The following TNRC18 variants were observed in gnomAD, a reference collection of about 807,000 sequenced individuals.
TNRC18 encodes trinucleotide repeat containing 18.
In TNRC18, 69 loss-of-function variants were observed where a neutral mutation model predicts 226.7. The ratio of observed to expected loss-of-function variants is 0.30; its 90% CI spans 0.25 to 0.37. The LOEUF is 0.37. TNRC18 is among the 10% of genes least tolerant of loss of function. The pLI, the probability that TNRC18 is intolerant of heterozygous loss-of-function variation, is 1.00. For missense variants in TNRC18, 4,754 were observed against 4,256.6 expected, an observed-to-expected ratio of 1.12 and a Z score of -3.25; for synonymous variants, 2,449 against 1,927.6, an observed-to-expected ratio of 1.27 and a Z score of -7.09.
At chr7:5,416,658 C>G (rs1419856019) in intron 2 of TNRC18, among the ~76,000 whole-genome samples, 1 of 150,318 alleles carries the variant, frequency 6.7e-6, no homozygotes, top group Non-Finnish European at 1.5e-5. Context: ...GAGTTTAAGA[C>G]CAGCCTGGCC....
intron 21 of TNRC18, among the ~76,000 whole-genome samples, chr7:5,322,255 G>C (rs1016794634): frequency 6.7e-6 from 1 of 150,162 alleles, no homozygotes; most frequent in African/African-American, 2.4e-5. Context: ...TCCAGCCCGG[G>C]TGACAGAGAG....
chr7:5,377,330 C>CA lies in TNRC18; in HGVS notation c.2461+40_2461+41insT. The CA allele has an allele frequency of 4.8e-6, 6 of 1,248,964 alleles. No homozygotes were observed. Among genetic ancestry groups the CA allele is most frequent in the East Asian group, 2.6e-5 (1 of 39,118 alleles). The allele number at this position is 1,248,964 out of a possible 1,614,324, so 77.4% of individuals were successfully genotyped here. A position where few individuals can be genotyped will look rare whatever the true frequency, so the allele number is the denominator to read the frequency against. On this transcript the variant is annotated intron_variant, in intron 7 of 29. Coordinates refer to ENST00000430969, the MANE Select transcript of TNRC18 (RefSeq NM_001080495.3). The surrounding 1 kb of genome is among the most constrained non-coding windows in gnomAD (Gnocchi z 5.8). Reference sequence around the variant, plus strand: ...GTCCTGCACCCGCCCCCTCCCACCCCTCCCTCAGAGAAGGGGAGAGACCCT... The same window carrying CA: ...GTCCTGCACCCGCCCCCTCCCACCCCATCCCTCAGAGAAGGGGAGAGACCCT...
At chr7:5,363,807 T>C (rs1341095729) in intron 11 of TNRC18, among the ~76,000 whole-genome samples, 1 of 151,902 alleles carries the variant, frequency 6.6e-6, no homozygotes, top group African/African-American at 2.4e-5. Context: ...GCATAGCTCT[T>C]ATAATCAGAA....
At position 5,371,053 on chromosome 7, in the gene TNRC18, G is replaced by A. The variant is rs61738601; in HGVS notation, c.3541C>T (p.Leu1181=). 1.6e-3 allele frequency: 2,617 copies of A among 1,610,822 alleles called. 38 individuals carry two copies. In the African/African-American group the frequency reaches 0.03, roughly 19 times the overall value. ...GTAGCCATGGCTTCCGCGGCGGGCA[G>A]TGGCAGCGGCGACTCCAGAGGCGGC... ...ELPPLESPLP[L]PAAEAMATPS... is the part of the protein sequence containing the mutation. The change falls in exon 11 of 30, where the codon CTG becomes TTG. Residue 1181 remains leucine, a synonymous_variant. Coordinates refer to ENST00000430969, the MANE Select transcript of TNRC18 (RefSeq NM_001080495.3).
chr7:5,396,403 G>A (rs996738691), intron 2 of TNRC18, among the ~76,000 whole-genome samples: 6 of 151,852 alleles, frequency 4.0e-5, no homozygotes, highest in East Asian at 1.9e-4. Flanking sequence ...GGTGGCTCTC[G>A]CCTATAGTCT....
chr7:5,320,282 A>C (rs1788213426), intron 24 of TNRC18, 36 bp downstream of exon 24: 6 of 1,492,034 alleles, frequency 4.0e-6, no homozygotes, highest in Middle Eastern at 2.1e-4. Context: ...CTGAGATGTT[A>C]GGCGGCAGGG....
intron 16 of TNRC18, among the ~76,000 whole-genome samples, chr7:5,355,672 G>C (rs1303789505): frequency 2.0e-5 from 3 of 152,136 alleles, no homozygotes; most frequent in Non-Finnish European, 4.4e-5. Flanking sequence ...GATTGCTTGA[G>C]CCCAGGCACC....
At position 5,418,775 on chromosome 7, in the gene TNRC18, G is replaced by C. The variant is rs139607240; in HGVS notation, c.187+2285C>G. On this transcript the variant is annotated intron_variant, in intron 2 of 29. Coordinates refer to ENST00000430969, the MANE Select transcript of TNRC18 (RefSeq NM_001080495.3). ...GCACCCCACAAAGAAAACGCGGGAG[G>C]GGGAGGATGTGCTGGCTTGAGGAAT... 6.6e-5 allele frequency among the ~76,000 whole-genome samples: 10 copies of C among 152,326 alleles called. No individual in the cohort carries two copies. The East Asian group carries it at 1.5e-3, about 23-fold the overall frequency.
intron 16 of TNRC18, among the ~76,000 whole-genome samples, chr7:5,356,612 T>C (rs1792418010): frequency 6.6e-6 from 1 of 152,022 alleles, no homozygotes; most frequent in East Asian, 1.9e-4. Flanking sequence ...GGTAGGCAAA[T>C]GGCGGGCGGG....
chr7:5,389,413 T>C (rs1217601018), intron 4 of TNRC18, 77 bp from the exon 5 acceptor site: 5 of 1,201,328 alleles, frequency 4.2e-6, no homozygotes, highest in Non-Finnish European at 5.2e-6. Context: ...GGCGGACCCC[T>C]GAGAGGGGGA....
rs555071337 is a variant in TNRC18 at position 5,330,885 on chromosome 7, G to C, written c.6147+1737C>G. On this transcript the variant is annotated intron_variant, in intron 19 of 29. Transcript: ENST00000430969. ...AGACAGGATTTCGTCATGTTGGCCA[G>C]GCTGGTCTCAAACTCCTGACCTCAA... is the stretch of plus-strand genomic sequence containing the variant. Among the ~76,000 whole-genome samples, 32 of 152,206 alleles carry C rather than the reference G, an allele frequency of 2.1e-4. 1 individual carries two copies. Among genetic ancestry groups the C allele is most frequent in the African/African-American group, 7.5e-4 (31 of 41,532 alleles).
At chr7:5,420,260 C>T (rs1782469440) in intron 2 of TNRC18, 1 of 383,816 alleles carries the variant, frequency 2.6e-6, no homozygotes, top group Admixed American at 3.2e-5. Context: ...CCTCCTCCAG[C>T]AGCTCGATGT....
At position 5,306,827 on chromosome 7, in the gene TNRC18, G is replaced by A. The variant is rs1786552986; in HGVS notation, c.*1279C>T. ...AATTAAATCTTTTCTTTTTTTTTAT[G>A]AAAAAAGATCACACAGAATTTGCCA... On this transcript the variant is annotated 3_prime_UTR_variant, in exon 30 of 30. Transcript: ENST00000430969. 1 of 148,496 alleles carries A rather than the reference G, an allele frequency of 6.7e-6. No homozygotes were observed. The highest frequency in any genetic ancestry group is 2.5e-5 in the African/African-American group (1 of 40,194). 9.2% of individuals were successfully genotyped at this position (148,496 alleles called of 1,614,324 possible). A position where few individuals can be genotyped will look rare whatever the true frequency, so the allele number is the denominator to read the frequency against.
chr7:5,419,225 G>A (rs1394520566), intron 2 of TNRC18, among the ~76,000 whole-genome samples: 1 of 152,248 alleles, frequency 6.6e-6, no homozygotes, highest in East Asian at 1.9e-4. Flanking sequence ...GCGCGGCCCT[G>A]GCACTGTGCA....
chr7:5,421,348 G>A lies in TNRC18; in HGVS notation c.-102C>T, dbSNP rs1732402045. Reference sequence around the variant, plus strand: ...GGCGTAGTCCCAGAGTCCTCGGGCGGCGGGGGCTCCGCGGCGTGCATGGCG... The same window carrying A: ...GGCGTAGTCCCAGAGTCCTCGGGCGACGGGGGCTCCGCGGCGTGCATGGCG... On this transcript the variant is annotated 5_prime_UTR_variant, in exon 2 of 30. Transcript: ENST00000430969. 9.0e-7 allele frequency: 1 copy of A among 1,111,104 alleles called. No homozygotes were observed. Among genetic ancestry groups the A allele is most frequent in the South Asian group, 4.5e-5 (1 of 22,176 alleles). 68.8% of individuals were successfully genotyped at this position (1,111,104 alleles called of 1,614,324 possible).
intron 8 of TNRC18, 138 bp from the exon 9 acceptor site, chr7:5,376,362 C>T: frequency 1.3e-6 from 1 of 786,270 alleles, no homozygotes; most frequent in East Asian, 2.9e-5. Flanking sequence ...CCCGGCTGCT[C>T]CCCAGGGGCC....
chr7:5,333,809 C>G (rs1160000532), intron 18 of TNRC18, among the ~76,000 whole-genome samples: 1 of 152,216 alleles, frequency 6.6e-6, no homozygotes, highest in South Asian at 2.1e-4. Flanking sequence ...AGACCCACCC[C>G]ACAACCCGGG....
Position 5,388,176 on chromosome 7 carries a change from C to G in TNRC18, c.1648G>C (p.Ala550Pro), listed in dbSNP as rs781421478. 9.5e-6 allele frequency: 15 copies of G among 1,582,052 alleles called. No homozygotes were observed. Among genetic ancestry groups the G allele is most frequent in the Non-Finnish European group, 1.3e-5 (15 of 1,166,044 alleles). ...AGCACAGCCCCAGGGTCCAGGTAGG[C>G]CTTCTTGGAGGAGGAGGCAGCGACC... ...AVVAASSSKK[A>P]YLDPGAVLPR... Residue 550 changes from alanine (A) to proline (P), a missense_variant, in exon 5 of 30, where the codon GCC becomes CCC. Physicochemically the swap from Ala to Pro is conservative, Grantham distance 27. Transcript: ENST00000430969.
chr7:5,411,899 G>A lies in TNRC18; in HGVS notation c.187+9161C>T, dbSNP rs563202306. ...AAAAAAATGCATCAAGGGACCAGAAGGCTGGCTGGGCATGGTAACTCACAC... is the reference window on the plus strand; with the variant it reads ...AAAAAAATGCATCAAGGGACCAGAAAGCTGGCTGGGCATGGTAACTCACAC... On this transcript the variant is annotated intron_variant, in intron 2 of 29. Transcript: ENST00000430969. Among the ~76,000 whole-genome samples, 102 of 152,168 alleles carry A rather than the reference G, an allele frequency of 6.7e-4. 2 individuals are homozygous for A. In the South Asian group the frequency reaches 0.02, roughly 30 times the overall value.
Sources: gnomAD v4.1 joint callset for allele counts (sites outside exome capture counted in the v4.1 genomes callset) on GRCh38, gnomAD v4.1.1 for gene constraint, Gnocchi (gnomAD v3.1) non-coding constraint, MANE v1.5 for transcripts, NCBI Gene and HGNC (gene_info 2026-07-23, HGNC 2026-07-21) for gene names.